Variants in HSPG2 observed in about 807,000 individuals in gnomAD.
The protein encoded by HSPG2 is basement membrane-specific heparan sulfate proteoglycan core protein.
Under a neutral mutation model 526.6 loss-of-function variants are expected in HSPG2, and 278 were observed. The ratio of observed to expected loss-of-function variants is 0.53; its 90% CI spans 0.48 to 0.58. The LOEUF (loss-of-function observed/expected upper bound fraction) is 0.58, where lower values mean the gene tolerates loss of function less well. Among genes scored for constraint, HSPG2 ranks in the 20% least tolerant of loss-of-function variants. The pLI is 0.00. For synonymous variants in HSPG2, 2,465 were observed against 2,555.4 expected (o/e 0.96, Z 1.07); for missense variants, 5,354 against 6,099.5 (o/e 0.88, Z 4.07).
chr1:21,848,560 G>C lies in HSPG2; in HGVS notation c.7737+83C>G. ...TTTGTTGAATGACTGAATGAGCACA[G>C]AGTGAGGTGCTGAGAGTCCCCCCTC... On this transcript the variant is annotated intron_variant, in intron 59 of 96. Transcript: ENST00000374695. The surrounding 1 kb of genome is among the most constrained non-coding windows in gnomAD (Gnocchi z 4.9). The C allele has an allele frequency of 6.9e-7, 1 of 1,456,012 alleles. No individual in the cohort carries two copies. The highest frequency in any genetic ancestry group is 9.6e-7 in the Non-Finnish European group (1 of 1,039,740). The allele number at this position is 1,456,012 out of a possible 1,614,324, so 90.2% of individuals were successfully genotyped here.
chr1:21,828,017 C>T lies in HSPG2; in HGVS notation c.12532+13G>A. The T allele has an allele frequency of 6.2e-7, 1 of 1,613,584 alleles. No individual in the cohort carries two copies. Among genetic ancestry groups the T allele is most frequent in the Non-Finnish European group, 8.5e-7 (1 of 1,179,990 alleles). ...AGACAGAGATGAAGTGGAGAGAAGCCAGGCCTGGGTACCTTGTTGGCAGCG... is the reference window on the plus strand; with the variant it reads ...AGACAGAGATGAAGTGGAGAGAAGCTAGGCCTGGGTACCTTGTTGGCAGCG... On this transcript the variant is annotated intron_variant, in intron 90 of 96. Coordinates refer to ENST00000374695, the MANE Select transcript of HSPG2 (RefSeq NM_005529.7). The surrounding 1 kb of genome is among the most constrained non-coding windows in gnomAD (Gnocchi z 6.0).
At position 21,846,531 on chromosome 1, in the gene HSPG2, C is replaced by T; in HGVS notation, c.8233G>A (p.Asp2745Asn). The change falls in exon 63 of 97, where the codon GAT (aspartate) becomes AAT (asparagine). Residue 2745 changes from aspartate (D) to asparagine (N), a missense_variant. Coordinates refer to ENST00000374695, the MANE Select transcript of HSPG2 (RefSeq NM_005529.7). The stretch of plus-strand genomic sequence containing the variant: ...TGCCCGGGGACCACGCAGTTCAGAT[C>T]CAGGGTCTCCCCTTCGGCCACGTGT... ...SSHVAEGETL[D>N]LNCVVPGQAH... is the part of the protein sequence containing the mutation. 1 of 1,613,784 alleles carries T rather than the reference C, an allele frequency of 6.2e-7. No individual in the cohort carries two copies. Among genetic ancestry groups the T allele is most frequent in the East Asian group, 2.2e-5 (1 of 44,882 alleles).
Position 21,834,818 on chromosome 1 carries a change from C to T in HSPG2, c.10581G>A (p.Gly3527=). 1 of 1,614,204 alleles carries T rather than the reference C, an allele frequency of 6.2e-7. No homozygotes were observed. Among genetic ancestry groups the T allele is most frequent in the South Asian group, 1.1e-5 (1 of 91,082 alleles). ...KPQVTWSKVG[G]HLRPGIVQSG... ...TCTGCACAATGCCTGGCCGCAGGTG[C>T]CCTCCAACTTTGCTCCATGTCACCT... The change falls in exon 77 of 97, where the codon GGG becomes GGA. Residue 3527 remains glycine (G), a synonymous_variant. Coordinates refer to ENST00000374695, the MANE Select transcript of HSPG2 (RefSeq NM_005529.7).
chr1:21,827,419 T>C (rs566997273), intron 91 of HSPG2, among the ~76,000 whole-genome samples: 1 of 152,342 alleles, frequency 6.6e-6, no homozygotes, highest in South Asian at 2.1e-4. Context: ...CTGCCTCGCC[T>C]ATTATATTAG....
chr1:21,885,473 T>C, intron 9 of HSPG2, 22 bp from the exon 10 acceptor site: 1 of 1,613,408 alleles, frequency 6.2e-7, no homozygotes, highest in South Asian at 1.1e-5. Context: ...GCCAGGTGGT[T>C]CCCAATAGCC....
Position 21,865,449 on chromosome 1 carries a change from G to T in HSPG2, c.4315-84C>A. The T allele has an allele frequency of 7.6e-7, 1 of 1,313,836 alleles. No individual in the cohort carries two copies. The highest frequency in any genetic ancestry group is 1.1e-6 in the Non-Finnish European group (1 of 910,578). The allele number at this position is 1,313,836 out of a possible 1,614,324, so 81.4% of individuals were successfully genotyped here. On this transcript the variant is annotated intron_variant, in intron 34 of 96. Coordinates refer to ENST00000374695, the MANE Select transcript of HSPG2 (RefSeq NM_005529.7). The surrounding 1 kb of genome is among the most constrained non-coding windows in gnomAD (Gnocchi z 5.4). The stretch of plus-strand genomic sequence containing the variant: ...GTCCTCCACCAGTCCTAGATTCTCT[G>T]TAACCCCCAGCCTCCCACCTCTCTG...
chr1:21,900,092 C>T (rs543816835), intron 1 of HSPG2, among the ~76,000 whole-genome samples: 18 of 152,338 alleles, frequency 1.2e-4, no homozygotes, highest in African/African-American at 3.1e-4. Flanking sequence ...CCGTCTCCGG[C>T]GGTGAGGGAG....
intron 1 of HSPG2, among the ~76,000 whole-genome samples, chr1:21,923,379 C>T (rs1229296334): frequency 6.6e-6 from 1 of 151,958 alleles, no homozygotes; most frequent in Non-Finnish European, 1.5e-5. Context: ...GCACCCCAGC[C>T]TGGGCGACAG....
In HSPG2 at chr1:21,851,904, A is replaced by G. The variant is rs1346646291; in HGVS notation, c.6893T>C (p.Ile2298Thr). Residue 2298 changes from isoleucine (I) to threonine (T), a missense_variant, in exon 54 of 97, where the codon ATC (isoleucine) becomes ACC (threonine). By Grantham distance (89) the Ile-to-Thr change is moderately conservative. Transcript: ENST00000374695. Reference protein sequence around the residue: ...RHQVRGSRLYIFQASPADAGQ... With the variant: ...RHQVRGSRLYTFQASPADAGQ... ...CGCATCGGCAGGTGAGGCCTGGAAG[A>G]TGTACAGGCGGGAGCCACGAACCTG... The G allele has an allele frequency of 1.2e-6, 2 of 1,609,028 alleles. No homozygotes were observed. Among genetic ancestry groups the G allele is most frequent in the African/African-American group, 1.3e-5 (1 of 74,842 alleles).
At chr1:21,933,995 A>C (rs1030940109) in intron 1 of HSPG2, among the ~76,000 whole-genome samples, 3 of 152,068 alleles carry the variant, frequency 2.0e-5, no homozygotes, top group Non-Finnish European at 4.4e-5. Context: ...AAACACCTTA[A>C]TCACCACCGA....
At position 21,878,577 on chromosome 1, in the gene HSPG2, C is replaced by G; in HGVS notation, c.2558G>C (p.Ser853Thr). Residue 853 changes from serine (S) to threonine (T), a missense_variant and splice_region_variant, in exon 19 of 97, where the codon AGC becomes ACC. By Grantham distance (58) the Ser-to-Thr change is moderately conservative. Coordinates refer to ENST00000374695, the MANE Select transcript of HSPG2 (RefSeq NM_005529.7). ...APGYTGRRCE[S>T]CAPGYEGNPI... Reference sequence around the variant, plus strand: ...TGCAGCCCCCAAGGCTCTCCCTCACCTCTCACAGCGGCGGCCAGTGTAGCC... The same window carrying G: ...TGCAGCCCCCAAGGCTCTCCCTCACGTCTCACAGCGGCGGCCAGTGTAGCC... 1.2e-6 allele frequency: 2 copies of G among 1,614,136 alleles called. No individual in the cohort carries two copies. The highest frequency in any genetic ancestry group is 2.2e-5 in the East Asian group (1 of 44,886).
chr1:21,835,064 A>C, intron 76 of HSPG2, 119 bp from the exon 77 acceptor site: 2 of 1,161,948 alleles, frequency 1.7e-6, no homozygotes, highest in Non-Finnish European at 1.3e-6. Flanking sequence ...TTCACTCCTC[A>C]TTCACTTTTT....
In HSPG2 at chr1:21,854,853, A is replaced by G; in HGVS notation, c.6128T>C (p.Leu2043Pro). The G allele has an allele frequency of 6.2e-7, 1 of 1,614,028 alleles. No homozygotes were observed. The change falls in exon 48 of 97, where the codon CTT becomes CCT. Residue 2043 changes from leucine (L) to proline (P), a missense_variant. Physicochemically the swap from Leu to Pro is moderately conservative, Grantham distance 98. Coordinates refer to ENST00000374695, the MANE Select transcript of HSPG2 (RefSeq NM_005529.7). ...CATTCCCAGAGAGTCCGTACCTGAA[A>G]GGACAACCACTTGGATCCGGGCCTG... ...TAQARIQVVV[L>P]SASDASPPPV...
In HSPG2 at chr1:21,872,261, G is replaced by A; in HGVS notation, c.4146C>T (p.Leu1382=). 6.4e-7 allele frequency: 1 copy of A among 1,555,134 alleles called. No homozygotes were observed. The highest frequency in any genetic ancestry group is 1.2e-5 in the South Asian group (1 of 84,230). ...CGAGTTGGGCAAAGTTGCCAAAAGAGAGCTGGGCACCCTCGGGCACGGGTT... is the reference window on the plus strand; with the variant it reads ...CGAGTTGGGCAAAGTTGCCAAAAGAAAGCTGGGCACCCTCGGGCACGGGTT... ...TVEPVPEGAQ[L]SFGNFAQLGH... Residue 1382 remains leucine, a synonymous_variant, in exon 33 of 97, where the codon CTC becomes CTT. Transcript: ENST00000374695. This position sits in a 1 kb window ranked among gnomAD's most constrained non-coding sequence, Gnocchi z 5.5.
chr1:21,851,560 G>A lies in HSPG2; in HGVS notation c.7144C>T (p.Pro2382Ser). The A allele has an allele frequency of 6.2e-7, 1 of 1,614,032 alleles. No individual in the cohort carries two copies. The highest frequency in any genetic ancestry group is 8.5e-7 in the Non-Finnish European group (1 of 1,180,056). Residue 2382 changes from proline to serine, a missense_variant, in exon 55 of 97, where the codon CCT (proline) becomes TCT (serine). Transcript: ENST00000374695. ...CAGTCCCATACCTGGTGCCGGACAGGGAGGCTGCCCCCACGCTTGTGCCAC... is the reference window on the plus strand; with the variant it reads ...CAGTCCCATACCTGGTGCCGGACAGAGAGGCTGCCCCCACGCTTGTGCCAC... ...VTWHKRGGSL[P>S]VRHQTHGSLL...
chr1:21,859,058 A>T lies in HSPG2; in HGVS notation c.5293+508T>A, dbSNP rs953723331. On this transcript the variant is annotated intron_variant, in intron 42 of 96. Transcript: ENST00000374695. The surrounding 1 kb of genome is among the most constrained non-coding windows in gnomAD (Gnocchi z 5.3). ...GACTCTGAGGTGCATTATTATTATTATTTTTTTAAGACAGAGTCTTGCTCT... is the reference window on the plus strand; with the variant it reads ...GACTCTGAGGTGCATTATTATTATTTTTTTTTTAAGACAGAGTCTTGCTCT... Among the ~76,000 whole-genome samples the T allele has an allele frequency of 1.1e-4, 17 of 151,724 alleles. No homozygotes were observed. The highest frequency in any genetic ancestry group is 5.3e-4 in the Admixed American group (8 of 15,236).
intron 1 of HSPG2, among the ~76,000 whole-genome samples, chr1:21,903,507 A>T (rs1382573468): frequency 6.6e-6 from 1 of 152,232 alleles, no homozygotes; most frequent in Non-Finnish European, 1.5e-5. Flanking sequence ...AGGCTGAGGC[A>T]GGAGAATCGT....
chr1:21,935,648 C>T (rs1644468964), intron 1 of HSPG2, among the ~76,000 whole-genome samples: 1 of 152,240 alleles, frequency 6.6e-6, no homozygotes, highest in Non-Finnish European at 1.5e-5. Flanking sequence ...ACTCCACCCA[C>T]CGCCATCCTA....
chr1:21,878,086 T>A (rs1035514779), intron 21 of HSPG2, 100 bp downstream of exon 21: 5 of 1,120,598 alleles, frequency 4.5e-6, no homozygotes, highest in Non-Finnish European at 6.6e-6. Flanking sequence ...TACCACCCAC[T>A]GGCCAAGGAT....
Sources: gnomAD v4.1 joint callset for allele counts (sites outside exome capture counted in the v4.1 genomes callset) on GRCh38, gnomAD v4.1.1 for gene constraint, Gnocchi (gnomAD v3.1) non-coding constraint, MANE v1.5 for transcripts, NCBI Gene and HGNC (gene_info 2026-07-23, HGNC 2026-07-21) for gene names.